The following GABBR2 variants were observed in gnomAD, a reference collection of about 807,000 sequenced individuals.
The protein encoded by GABBR2 is gamma-aminobutyric acid type B receptor subunit 2, also known as G-protein coupled receptor 51.
Under a neutral mutation model 105.6 loss-of-function variants are expected in GABBR2, and 23 were observed. The observed-to-expected ratio is 0.22, with a 90% CI of 0.16 to 0.31. The LOEUF (loss-of-function observed/expected upper bound fraction) is 0.31. Ranked by LOEUF, GABBR2 falls within the 10% of genes least tolerant of loss-of-function variation. The pLI is 1.00. For synonymous variants in GABBR2, 478 were observed against 499.7 expected, an observed-to-expected ratio of 0.96 and a Z score of 0.58; for missense variants, 734 against 1,245.5, an observed-to-expected ratio of 0.59 and a Z score of 6.18.
chr9:98,473,340 C>T lies in GABBR2; in HGVS notation c.805G>A (p.Glu269Lys), dbSNP rs138148830. The T allele has an allele frequency of 2.4e-5, 39 of 1,607,532 alleles. No homozygotes were observed. Among genetic ancestry groups the T allele is most frequent in the African/African-American group, 4.0e-5 (3 of 74,670 alleles). The change falls in exon 6 of 19, where the codon GAG (glutamate) becomes AAG (lysine). Residue 269 changes from glutamate to lysine, a missense_variant. By Grantham distance (56) the Glu-to-Lys change is moderately conservative. Coordinates refer to ENST00000259455, the MANE Select transcript of GABBR2 (RefSeq NM_005458.8). The stretch of plus-strand genomic sequence containing the variant: ...TATTTACTACCATACATGTTCTCCT[C>T]GTATGCCTGTAAAAGATGGAGTGAC... ...MAAKVFCCAY[E>K]ENMYGSKYQW...
chr9:98,472,002 GCCAT>G (rs1425885440), intron 6 of GABBR2, among the ~76,000 whole-genome samples: 1 of 152,116 alleles, frequency 6.6e-6, no homozygotes, highest in African/African-American at 2.4e-5. Flanking sequence ...CTAATGATTT[GCCAT>G]TTCTTGACAA....
intron 1 of GABBR2, among the ~76,000 whole-genome samples, chr9:98,597,888 C>T (rs995270880): frequency 2.0e-5 from 3 of 152,062 alleles, no homozygotes; most frequent in South Asian, 2.1e-4. Context: ...GGTGCAATCT[C>T]GGCTCACTGT....
At chr9:98,688,921 G>T (rs1271872531) in intron 1 of GABBR2, among the ~76,000 whole-genome samples, 3 of 152,168 alleles carry the variant, frequency 2.0e-5, no homozygotes, top group African/African-American at 4.8e-5. Flanking sequence ...GAAAGAGCCC[G>T]ATCTGAGCCA....
intron 18 of GABBR2, among the ~76,000 whole-genome samples, chr9:98,293,056 GTGATTTGGCTGCT>G (rs1830326204): frequency 6.6e-6 from 1 of 152,186 alleles, no homozygotes; most frequent in Non-Finnish European, 1.5e-5. Context: ...GCTGCAATTG[GTGATTTGGCTGCT>G]TTTGCTGGTT....
In GABBR2 at chr9:98,393,047, C is replaced by T. The variant is rs868196704; in HGVS notation, c.1378+1128G>A. On this transcript the variant is annotated intron_variant, in intron 9 of 18. Transcript: ENST00000259455. The stretch of plus-strand genomic sequence containing the variant: ...GCATCCACCCATCCATCCATCCATC[C>T]ATCCATCCATCCATCCATCCATCCA... Among the ~76,000 whole-genome samples, 1,737 of 147,126 alleles carry T rather than the reference C, an allele frequency of 0.012. 63 individuals carry two copies. In the East Asian group the frequency reaches 0.15, roughly 13 times the overall value.
chr9:98,352,240 T>C (rs113135615), intron 13 of GABBR2, among the ~76,000 whole-genome samples: 17 of 152,322 alleles, frequency 1.1e-4, no homozygotes, highest in African/African-American at 2.6e-4. Flanking sequence ...GTGGTGGCAG[T>C]TGTCTACTGG....
At chr9:98,477,117 C>A (rs1195209026) in intron 5 of GABBR2, among the ~76,000 whole-genome samples, 3 of 152,186 alleles carry the variant, frequency 2.0e-5, no homozygotes, top group Admixed American at 1.3e-4. Context: ...GAGGGTGGGG[C>A]CATGCCAGTT....
At chr9:98,559,341 G>C (rs981909781) in intron 2 of GABBR2, among the ~76,000 whole-genome samples, 3 of 152,204 alleles carry the variant, frequency 2.0e-5, no homozygotes, top group Non-Finnish European at 2.9e-5. Context: ...TGTTGGCCAG[G>C]CTGGTCTCAA....
rs1025236940 is a variant in GABBR2 at position 98,543,523 on chromosome 9, T to C, written c.460-1480A>G. 1.1e-4 allele frequency among the ~76,000 whole-genome samples: 16 copies of C among 152,222 alleles called. No individual in the cohort carries two copies. The East Asian group carries it at 2.9e-3, about 28-fold the overall frequency. ...CTGGGACTATAGGTGTATGCCTCTA[T>C]GCCTAGCTAATTTAAAAATCTGTCA... On this transcript the variant is annotated intron_variant, in intron 2 of 18. Transcript: ENST00000259455.
intron 4 of GABBR2, 96 bp from the exon 5 acceptor site, chr9:98,481,093 T>C (rs1169453423): frequency 1.1e-5 from 9 of 811,700 alleles, no homozygotes; most frequent in Non-Finnish European, 1.8e-5. Context: ...CACCTCTGGC[T>C]CTTAGCCCAG....
At chr9:98,638,018 A>G (rs1444560551) in intron 1 of GABBR2, among the ~76,000 whole-genome samples, 1 of 152,204 alleles carries the variant, frequency 6.6e-6, no homozygotes, top group East Asian at 1.9e-4. Flanking sequence ...ATATGAGAAA[A>G]CTGAGGCATG....
chr9:98,467,415 T>G (rs1033438404), intron 6 of GABBR2, among the ~76,000 whole-genome samples: 1 of 152,006 alleles, frequency 6.6e-6, no homozygotes, highest in Non-Finnish European at 1.5e-5. Flanking sequence ...GTGTCATGAG[T>G]GCCTAGGGGA....
intron 2 of GABBR2, among the ~76,000 whole-genome samples, chr9:98,545,154 A>G (rs772567980): frequency 2.0e-5 from 3 of 152,154 alleles, no homozygotes; most frequent in African/African-American, 7.2e-5. Flanking sequence ...CAGGTCCACA[A>G]TTAATTGTTG....
At chr9:98,638,476 T>C (rs1829911924) in intron 1 of GABBR2, among the ~76,000 whole-genome samples, 1 of 152,182 alleles carries the variant, frequency 6.6e-6, no homozygotes, top group African/African-American at 2.4e-5. Flanking sequence ...CTCTCACTAA[T>C]GCAGGCCCTG....
intron 3 of GABBR2, among the ~76,000 whole-genome samples, chr9:98,509,004 C>A (rs1413915264): frequency 1.3e-5 from 2 of 152,234 alleles, no homozygotes; most frequent in African/African-American, 4.8e-5. Context: ...AGTAGCCTAA[C>A]TGGGAGGCAC....
chr9:98,441,980 A>G (rs190299198), intron 7 of GABBR2, among the ~76,000 whole-genome samples: 60 of 152,358 alleles, frequency 3.9e-4, no homozygotes, highest in African/African-American at 1.4e-3. Flanking sequence ...TGTCTGAATG[A>G]TGAGGTTTCA....
rs1588286685 is a variant in GABBR2, at chr9:98,695,981, A to C, written c.321+12436T>G. 3.9e-5 allele frequency among the ~76,000 whole-genome samples: 6 copies of C among 152,360 alleles called. 1 individual carries two copies. The highest frequency in any genetic ancestry group is 3.9e-4 in the Admixed American group (6 of 15,310). On this transcript the variant is annotated intron_variant, in intron 1 of 18. Transcript: ENST00000259455. ...CTATGTGCTAGAAAGTGTGCTGGAC[A>C]TTATGGTGAGCCAAAACAAACCAGT...
In GABBR2 at chr9:98,290,580, A is replaced by C. The variant is rs1379572426; in HGVS notation, c.*4T>G. ...GGGAGGCCCCGGGCCCAGGCCTCCC[A>C]CCCTTACAGGCCCGAGACCATGACT... On this transcript the variant is annotated 3_prime_UTR_variant, in exon 19 of 19. Transcript: ENST00000259455. The C allele has an allele frequency of 7.3e-7, 1 of 1,372,660 alleles. No homozygotes were observed. Among genetic ancestry groups the C allele is most frequent in the Non-Finnish European group, 9.4e-7 (1 of 1,060,790 alleles). 85.0% of individuals were successfully genotyped at this position (1,372,660 alleles called of 1,614,324 possible).
intron 1 of GABBR2, among the ~76,000 whole-genome samples, chr9:98,659,104 C>T (rs951590003): frequency 6.6e-6 from 1 of 152,230 alleles, no homozygotes; most frequent in African/African-American, 2.4e-5. Context: ...TTTTAGATAT[C>T]ATGGGTCATG....
Sources: allele counts gnomAD v4.1 joint callset (sites outside exome capture counted in the v4.1 genomes callset), GRCh38; gene constraint gnomAD v4.1.1; transcripts MANE v1.5; gene names NCBI Gene and HGNC (gene_info 2026-07-23, HGNC 2026-07-21).